Variants in NOP14 observed in about 807,000 individuals in gnomAD.
The protein encoded by NOP14 is NOP14 nucleolar protein.
NOP14 carries 57 observed loss-of-function variants against 101.6 expected under a neutral mutation model. That is an observed-to-expected ratio of 0.56 (90% confidence interval 0.45 to 0.70). NOP14 has a LOEUF of 0.70. Ranked by LOEUF, NOP14 falls within the 30% of genes least tolerant of loss-of-function variation. The probability of loss-of-function intolerance (pLI) is 0.00; values close to 1 mark genes in which losing one functional copy is unlikely to be tolerated. For missense variants in NOP14, 1,134 were observed against 1,075.5 expected (o/e 1.05, Z -0.76); for synonymous variants, 428 against 424.0 (o/e 1.01, Z -0.12).
In NOP14 at chr4:2,941,698, G is replaced by A. The variant is rs1714208225; in HGVS notation, c.2083C>T (p.Leu695=). 4.3e-6 allele frequency: 7 copies of A among 1,613,046 alleles called. No homozygotes were observed. The South Asian group carries it at 4.4e-5, about 10-fold the overall frequency. ...CCGTACATGAGCACGCAGCGCTTCA[G>A]CAGGGCCAGGCCCACAGCCAGGCAG... is the stretch of plus-strand genomic sequence containing the variant. ...LSCLAVGLAL[L]KRCVLMYGSL... The change falls in exon 15 of 18, where the codon CTG becomes TTG. Residue 695 remains leucine, a synonymous_variant. Coordinates refer to ENST00000416614, the MANE Select transcript of NOP14 (RefSeq NM_001291978.2).
At chr4:2,954,027 A>G (rs915923838) in intron 4 of NOP14, among the ~76,000 whole-genome samples, 2 of 152,174 alleles carry the variant, frequency 1.3e-5, no homozygotes, top group African/African-American at 4.8e-5. Flanking sequence ...TGGTCGACAC[A>G]GCACGATCCC....
At position 2,947,624 on chromosome 4, in the gene NOP14, G is replaced by T; in HGVS notation, c.1414-13C>A. The T allele has an allele frequency of 6.2e-7, 1 of 1,609,580 alleles. No homozygotes were observed. Among genetic ancestry groups the T allele is most frequent in the Non-Finnish European group, 8.5e-7 (1 of 1,176,058 alleles). ...AGCCAAACAGTTTCTGCAGGAACAT[G>T]AATTGGGAAATAAAGCTCAGTGCTC... is the stretch of plus-strand genomic sequence containing the variant. On this transcript the variant is annotated splice_polypyrimidine_tract_variant and intron_variant, in intron 9 of 17. Transcript: ENST00000416614.
intron 1 of NOP14, among the ~76,000 whole-genome samples, 188 bp downstream of exon 1, chr4:2,962,937 C>A (rs375536873): frequency 2.0e-5 from 3 of 152,172 alleles, no homozygotes; most frequent in African/African-American, 7.2e-5. Flanking sequence ...TCCAAGACGG[C>A]GAGAGTTTCC....
At chr4:2,939,722 T>C (rs1366638471) in intron 15 of NOP14, 77 bp from the exon 16 acceptor site, 1 of 1,119,986 alleles carries the variant, frequency 8.9e-7, no homozygotes, top group African/African-American at 1.5e-5. Context: ...GGTTCTGTGG[T>C]GTCAAGGCAG....
chr4:2,941,848 C>G (rs1251313669), intron 14 of NOP14, 119 bp from the exon 15 acceptor site: 3 of 1,220,862 alleles, frequency 2.5e-6, no homozygotes, highest in African/African-American at 1.5e-5. Flanking sequence ...AGTGTGGCCA[C>G]CTTGGCCGGC....
In NOP14 at chr4:2,963,273, G is replaced by T. The variant is rs1403808024; in HGVS notation, c.47C>A (p.Ala16Glu). 2.8e-5 allele frequency: 44 copies of T among 1,590,588 alleles called. No homozygotes were observed. The highest frequency in any genetic ancestry group is 3.6e-5 in the Non-Finnish European group (42 of 1,171,178). The change falls in exon 1 of 18, where the codon GCG becomes GAG. Residue 16 changes from alanine to glutamate, a missense_variant. Physicochemically the swap from Ala to Glu is moderately radical, Grantham distance 107. Coordinates refer to ENST00000416614, the MANE Select transcript of NOP14 (RefSeq NM_001291978.2). Reference protein sequence around the residue: ...KVGARRKASGAPAGARGGPAK... With the variant: ...KVGARRKASGEPAGARGGPAK... ...CGGGCCCCCTCGCGCTCCCGCCGGC[G>T]CCCCGGAGGCCTTCCTTCGCGCCCC...
chr4:2,958,501 C>T (rs1715499781), intron 1 of NOP14, among the ~76,000 whole-genome samples: 1 of 152,192 alleles, frequency 6.6e-6, no homozygotes. Context: ...GGTGTTTACA[C>T]AGCAATTCCG....
intron 1 of NOP14, among the ~76,000 whole-genome samples, chr4:2,960,215 G>T (rs1455700600): frequency 6.6e-6 from 1 of 151,998 alleles, no homozygotes; most frequent in Non-Finnish European, 1.5e-5. Context: ...CAGGCAATCT[G>T]CCTGCCTCGG....
chr4:2,942,417 G>T, intron 13 of NOP14, 66 bp from the exon 14 acceptor site: 2 of 1,495,020 alleles, frequency 1.3e-6, no homozygotes, highest in Non-Finnish European at 1.8e-6. Context: ...AGGCTCTGCG[G>T]CACCGAGCCT....
At chr4:2,957,000 G>A (rs1247675844) in intron 2 of NOP14, among the ~76,000 whole-genome samples, 189 bp from the exon 3 acceptor site, 1 of 152,100 alleles carries the variant, frequency 6.6e-6, no homozygotes, top group Non-Finnish European at 1.5e-5. Context: ...ACTCATGGAG[G>A]GTAATTCTTT....
rs1049105751 is a variant in NOP14, at chr4:2,953,636, G to C, written c.622C>G (p.Gln208Glu). 6.2e-7 allele frequency: 1 copy of C among 1,613,988 alleles called. No homozygotes were observed. Among genetic ancestry groups the C allele is most frequent in the Non-Finnish European group, 8.5e-7 (1 of 1,180,040 alleles). Residue 208 changes from glutamine (Q) to glutamate (E), a missense_variant, in exon 5 of 18, where the codon CAA becomes GAA. Coordinates refer to ENST00000416614, the MANE Select transcript of NOP14 (RefSeq NM_001291978.2). ...AKSKQEKRERQAQREDALELT... is the reference protein window; with the variant it reads ...AKSKQEKREREAQREDALELT... ...TCGAGGGCATCTTCTCGTTGAGCTT[G>C]TCTCTCCCTCTGGGGAAAAAATAAC... is the stretch of plus-strand genomic sequence containing the variant.
At position 2,944,284 on chromosome 4, in the gene NOP14, C is replaced by T. The variant is rs541977363; in HGVS notation, c.1738-58G>A. The T allele has an allele frequency of 2.9e-5, 44 of 1,538,730 alleles. 1 individual carries two copies. The highest frequency in any genetic ancestry group is 1.7e-4 in the South Asian group (14 of 80,984). ...GGGACGATGTCATGCCATGCTAGGC[C>T]GACCACCGGGCTTCCCTGATGAACC... On this transcript the variant is annotated intron_variant, in intron 12 of 17. Transcript: ENST00000416614.
At chr4:2,939,848 C>T (rs867373033) in intron 15 of NOP14, among the ~76,000 whole-genome samples, 12 of 152,174 alleles carry the variant, frequency 7.9e-5, no homozygotes, top group Non-Finnish European at 1.8e-4. Context: ...ACAGCCGGAA[C>T]GAAGTAAAGC....
At position 2,963,196 on chromosome 4, in the gene NOP14, G is replaced by A; in HGVS notation, c.124C>T (p.Gln42Ter). Residue 42 changes from glutamine (Q) to a stop codon, truncating the protein, a stop_gained, in exon 1 of 18, where the codon CAG becomes TAG. Transcript: ENST00000416614. LOFTEE classifies it high-confidence loss of function. ...FEVKVNRQKFQILGRKTRHDV... is the reference protein window; with the variant it reads ...FEVKVNRQKF ...TGGCGCGTCTTCCGGCCCAGGATCT[G>A]GAACTTCTGCCTGTTAACTTTCACC... The A allele has an allele frequency of 6.3e-7, 1 of 1,583,910 alleles. No individual in the cohort carries two copies.
chr4:2,951,069 A>G (rs1577839443), intron 7 of NOP14, 45 bp downstream of exon 7: 1 of 1,532,364 alleles, frequency 6.5e-7, no homozygotes, highest in South Asian at 1.2e-5. Flanking sequence ...ATGTTTTTAA[A>G]TTAAAAAAAG....
At position 2,942,290 on chromosome 4, in the gene NOP14, A is replaced by C. The variant is rs1374124123; in HGVS notation, c.1953T>G (p.Ser651=). ...GCCACGTGGCCACATCCTCTCTAGC[A>C]GACACCACGAGCAGTTCCGAGTTCT... ...LGKNSELLVV[S]AREDVATWQQ... Residue 651 remains serine (S), a synonymous_variant, in exon 14 of 18, where the codon TCT becomes TCG. Coordinates refer to ENST00000416614, the MANE Select transcript of NOP14 (RefSeq NM_001291978.2). 12 of 1,614,154 alleles carry C rather than the reference A, an allele frequency of 7.4e-6. No homozygotes were observed. Among genetic ancestry groups the C allele is most frequent in the Non-Finnish European group, 1.0e-5 (12 of 1,180,014 alleles).
At chr4:2,950,376 C>G in intron 7 of NOP14, 163 bp from the exon 8 acceptor site, 1 of 693,004 alleles carries the variant, frequency 1.4e-6, no homozygotes, top group Non-Finnish European at 2.4e-6. Context: ...GCCTCCTGCC[C>G]ACCACCCGCT....
intron 13 of NOP14, among the ~76,000 whole-genome samples, chr4:2,943,194 C>T (rs1240614931): frequency 1.3e-5 from 2 of 152,238 alleles, no homozygotes; most frequent in Non-Finnish European, 2.9e-5. Flanking sequence ...AGAATGGGAG[C>T]ACTGAACCGG....
At position 2,938,811 on chromosome 4, in the gene NOP14, C is replaced by T. The variant is rs777205431; in HGVS notation, c.*20G>A. ...ATGTGAGGTAATGTCCAGTTCCTTGCCTTATTTATAAAATGTAATTTATTT... is the reference window on the plus strand; with the variant it reads ...ATGTGAGGTAATGTCCAGTTCCTTGTCTTATTTATAAAATGTAATTTATTT... On this transcript the variant is annotated 3_prime_UTR_variant, in exon 18 of 18. Coordinates refer to ENST00000416614, the MANE Select transcript of NOP14 (RefSeq NM_001291978.2). 5 of 1,593,758 alleles carry T rather than the reference C, an allele frequency of 3.1e-6. No individual in the cohort carries two copies. In the South Asian group the frequency reaches 4.4e-5, roughly 14 times the overall value.
Sources: allele counts gnomAD v4.1 joint callset (sites outside exome capture counted in the v4.1 genomes callset), GRCh38; gene constraint gnomAD v4.1.1; transcripts MANE v1.5; gene names NCBI Gene and HGNC (gene_info 2026-07-23, HGNC 2026-07-21).